KANK1: variants seen among roughly 807,000 people sequenced by gnomAD.
KANK1 encodes the protein KN motif and ankyrin repeat domain-containing protein 1.
KANK1 carries 109 observed loss-of-function variants against 106.2 expected under a neutral mutation model. That is an observed-to-expected ratio of 1.03 (90% CI 0.88 to 1.20). The LOEUF is 1.20. KANK1 is among the 50% of genes most tolerant of loss of function. The probability of loss-of-function intolerance (pLI) is 0.00; values close to 1 mark genes in which losing one functional copy is unlikely to be tolerated. For synonymous variants in KANK1, 873 were observed against 652.2 expected (o/e 1.34, Z -5.16); for missense variants, 2,399 against 1,710.7 (o/e 1.40, Z -7.10).
intron 1 of KANK1, among the ~76,000 whole-genome samples, chr9:578,386 A>C (rs977653562): frequency 6.6e-5 from 10 of 152,028 alleles, no homozygotes; most frequent in African/African-American, 2.2e-4. Context: ...GTAAAAAATG[A>C]AATATATTAG....
rs144994809 is a variant in KANK1, at chr9:658,606, G to GT, written c.-83-18274dup. ...CTTCTAGGTTTTCTTAAGTTTTATA[G>GT]TTTTTTTTTTAATTTTAGATTTAAG... On this transcript the variant is annotated intron_variant, in intron 1 of 11. Transcript: ENST00000382297. Among the ~76,000 whole-genome samples the GT allele has an allele frequency of 4.2e-3, 627 of 149,066 alleles. 1 individual carries two copies. The highest frequency in any genetic ancestry group is 6.9e-3 in the Non-Finnish European group (459 of 66,988).
chr9:642,003 C>G (rs867662286), intron 1 of KANK1, among the ~76,000 whole-genome samples: 1 of 152,246 alleles, frequency 6.6e-6, no homozygotes, highest in African/African-American at 2.4e-5. Flanking sequence ...CCACCACACA[C>G]CCCCCAGCAC....
In KANK1 at chr9:734,732, T is replaced by C; in HGVS notation, c.3246-16T>C. 6.4e-7 allele frequency: 1 copy of C among 1,563,112 alleles called. No individual in the cohort carries two copies. ...TCTTCTTGTGACCAATCGTAACTTGTTTTTTCTCCTTTCAGGTATGAATTA... is the reference window on the plus strand; with the variant it reads ...TCTTCTTGTGACCAATCGTAACTTGCTTTTTCTCCTTTCAGGTATGAATTA... On this transcript the variant is annotated splice_polypyrimidine_tract_variant and intron_variant, in intron 6 of 11. Coordinates refer to ENST00000382297, the MANE Select transcript of KANK1 (RefSeq NM_015158.5).
chr9:699,449 G>A (rs1166251391), intron 2 of KANK1, among the ~76,000 whole-genome samples: 2 of 152,198 alleles, frequency 1.3e-5, no homozygotes, highest in African/African-American at 4.8e-5. Flanking sequence ...GAGCTGGTAT[G>A]GAGAAGGGTA....
upstream of KANK1, among the ~76,000 whole-genome samples, chr9:502,584 C>T (rs1001097851): frequency 2.6e-5 from 4 of 151,288 alleles, no homozygotes; most frequent in African/African-American, 9.8e-5. Flanking sequence ...AGTGCAGTGG[C>T]ATGATCTCGG....
At chr9:507,556 ATT>A (rs755577004) in intron 1 of KANK1, among the ~76,000 whole-genome samples, 89 of 127,382 alleles carry the variant, frequency 7.0e-4, no homozygotes, top group African/African-American at 2.4e-3. Context: ...TGCCCGGCTA[ATT>A]TTTTTTTTTT....
At chr9:512,132 A>G (rs964444051) in intron 1 of KANK1, among the ~76,000 whole-genome samples, 2 of 152,126 alleles carry the variant, frequency 1.3e-5, no homozygotes, top group Admixed American at 6.5e-5. Context: ...ACATGTCTTC[A>G]TGGTGACTTC....
At position 690,370 on chromosome 9, in the gene KANK1, C is replaced by T. The variant is rs567172972; in HGVS notation, c.37+13361C>T. Among the ~76,000 whole-genome samples, 31 of 150,120 alleles carry T rather than the reference C, an allele frequency of 2.1e-4. No individual in the cohort carries two copies. The East Asian group carries it at 4.9e-3, about 24-fold the overall frequency. ...GTCCCTAGTTTATGGCTTTTCAGTA[C>T]CAAAATAGTATGCATTCAGCAGTAG... is the stretch of plus-strand genomic sequence containing the variant. On this transcript the variant is annotated intron_variant, in intron 2 of 11. Transcript: ENST00000382297.
At chr9:612,229 T>C (rs565709209) in intron 1 of KANK1, among the ~76,000 whole-genome samples, 1 of 152,274 alleles carries the variant, frequency 6.6e-6, no homozygotes, top group South Asian at 2.1e-4. Context: ...AGCCAGGTGT[T>C]GTGGCTCTTG....
chr9:631,908 A>G (rs1223960921), intron 1 of KANK1, among the ~76,000 whole-genome samples: 1 of 152,194 alleles, frequency 6.6e-6, no homozygotes, highest in African/African-American at 2.4e-5. Context: ...TGGGTTATCT[A>G]CCGCTGTGGC....
chr9:665,725 T>C (rs1844415277), intron 1 of KANK1, among the ~76,000 whole-genome samples: 3 of 152,218 alleles, frequency 2.0e-5, no homozygotes, highest in Admixed American at 2.0e-4. Flanking sequence ...AGGGATTACA[T>C]TGAATCAGTA....
intron 7 of KANK1, 93 bp downstream of exon 7, chr9:734,928 C>A: frequency 1.2e-6 from 1 of 869,284 alleles, no homozygotes; most frequent in Admixed American, 1.9e-5. Context: ...CGAGCTGTTG[C>A]TTGCATGCTT....
chr9:620,503 A>G (rs911816435), intron 1 of KANK1, among the ~76,000 whole-genome samples: 14 of 152,020 alleles, frequency 9.2e-5, no homozygotes, highest in Non-Finnish European at 1.9e-4. Context: ...CCCAGGTTCA[A>G]GCGATTCTCC....
At chr9:693,372 G>A in intron 2 of KANK1, 1 of 985,212 alleles carries the variant, frequency 1.0e-6, no homozygotes, top group African/African-American at 1.7e-5. Flanking sequence ...GAGGGAGTAA[G>A]TCAGCACAAA....
At chr9:699,808 C>T (rs1401288681) in intron 2 of KANK1, among the ~76,000 whole-genome samples, 1 of 152,068 alleles carries the variant, frequency 6.6e-6, no homozygotes, top group African/African-American at 2.4e-5. Context: ...TAGTGGGACC[C>T]CCATCTCTAT....
At chr9:572,567 T>G (rs1819487098) in intron 1 of KANK1, among the ~76,000 whole-genome samples, 1 of 151,776 alleles carries the variant, frequency 6.6e-6, no homozygotes, top group Admixed American at 6.6e-5. Context: ...AAAAAAATTT[T>G]TTTTGTAGAG....
Position 745,391 on chromosome 9 carries a change from G to A in KANK1, c.*156G>A, listed in dbSNP as rs945087073. ...TAAAGGCTGAAGCTTTCACAGTGCA[G>A]AGACTGCTAGCCTGGGCACACACAC... is the stretch of plus-strand genomic sequence containing the variant. On this transcript the variant is annotated 3_prime_UTR_variant, in exon 12 of 12. Coordinates refer to ENST00000382297, the MANE Select transcript of KANK1 (RefSeq NM_015158.5). 2 of 869,176 alleles carry A rather than the reference G, an allele frequency of 2.3e-6. No homozygotes were observed. The highest frequency in any genetic ancestry group is 3.3e-5 in the African/African-American group (2 of 59,816). 53.8% of individuals were successfully genotyped at this position (869,176 alleles called of 1,614,324 possible).
chr9:628,680 C>G (rs1834940457), intron 1 of KANK1, among the ~76,000 whole-genome samples: 1 of 152,080 alleles, frequency 6.6e-6, no homozygotes. Context: ...CTGCCCAGTT[C>G]CCAGGTTGAA....
chr9:686,738 C>T, intron 2 of KANK1: 1 of 983,786 alleles, frequency 1.0e-6, no homozygotes, highest in Non-Finnish European at 1.2e-6. Context: ...TGATTGTTAC[C>T]TATGAGCCTA....
Sources: allele counts gnomAD v4.1 joint callset (sites outside exome capture counted in the v4.1 genomes callset), GRCh38; gene constraint gnomAD v4.1.1; transcripts MANE v1.5; gene names NCBI Gene and HGNC (gene_info 2026-07-23, HGNC 2026-07-21).